The following SMCHD1 variants were observed in gnomAD, a reference collection of about 807,000 sequenced individuals.
SMCHD1 encodes structural maintenance of chromosomes flexible hinge domain-containing protein 1.
SMCHD1 carries 78 observed loss-of-function variants against 254.7 expected under a neutral mutation model. The observed-to-expected ratio is 0.31, with a 90% CI of 0.26 to 0.37. SMCHD1 has a LOEUF of 0.37. SMCHD1 is among the 10% of genes least tolerant of loss of function. The probability of loss-of-function intolerance (pLI) is 1.00; values close to 1 mark genes in which losing one functional copy is unlikely to be tolerated. For missense variants in SMCHD1, 1,840 were observed against 2,408.1 expected, an observed-to-expected ratio of 0.76 and a Z score of 4.94; for synonymous variants, 766 against 794.9, an observed-to-expected ratio of 0.96 and a Z score of 0.61.
chr18:2,768,009 C>A (rs1395207472), intron 37 of SMCHD1, among the ~76,000 whole-genome samples: 1 of 151,928 alleles, frequency 6.6e-6, no homozygotes, highest in African/African-American at 2.4e-5. Flanking sequence ...TAGTAAAATA[C>A]AGTATTATAA....
intron 26 of SMCHD1, 31 bp downstream of exon 26, chr18:2,738,576 T>C: frequency 6.3e-7 from 1 of 1,575,294 alleles, no homozygotes; most frequent in South Asian, 1.2e-5. Context: ...TTGCAGCCTA[T>C]GGCAACAAAA....
rs368857612 is a variant in SMCHD1, at chr18:2,740,831, C to T, written c.3633+10C>T. ...GAAAACAACCTTTCAGGTATGGCTA[C>T]TTTCTATACCATTTTGGTTTGATTT... On this transcript the variant is annotated intron_variant, in intron 28 of 47. Transcript: ENST00000320876. The T allele has an allele frequency of 8.7e-6, 13 of 1,486,740 alleles. No individual in the cohort carries two copies. The African/African-American group carries it at 1.8e-4, about 21-fold the overall frequency. The allele number at this position is 1,486,740 out of a possible 1,614,324, so 92.1% of individuals were successfully genotyped here.
chr18:2,688,345 G>A (rs754238339), intron 5 of SMCHD1, 49 bp from the exon 6 acceptor site: 8 of 1,340,282 alleles, frequency 6.0e-6, no homozygotes, highest in Admixed American at 1.7e-5. Flanking sequence ...AGTTTCTTTT[G>A]ACACTTAACT....
At chr18:2,676,832 G>C (rs775588353) in intron 5 of SMCHD1, among the ~76,000 whole-genome samples, 13 of 152,180 alleles carry the variant, frequency 8.5e-5, no homozygotes, top group Admixed American at 1.3e-4. Flanking sequence ...GTCAGTTTGT[G>C]AGATTTCACT....
At chr18:2,753,823 G>T (rs1037650634) in intron 34 of SMCHD1, among the ~76,000 whole-genome samples, 3 of 152,068 alleles carry the variant, frequency 2.0e-5, no homozygotes, top group African/African-American at 7.2e-5. Flanking sequence ...TCCCAAAATG[G>T]TGGGATTACA....
At chr18:2,660,014 T>C (rs994047047) in intron 1 of SMCHD1, among the ~76,000 whole-genome samples, 1 of 152,134 alleles carries the variant, frequency 6.6e-6, no homozygotes, top group Admixed American at 6.5e-5. Flanking sequence ...TGCAAGTCAG[T>C]TAGTCCTTAA....
rs1216111474 is a variant in SMCHD1 at position 2,804,762 on chromosome 18, T to C, written c.*2210T>C. On this transcript the variant is annotated 3_prime_UTR_variant, in exon 48 of 48. Coordinates refer to ENST00000320876, the MANE Select transcript of SMCHD1 (RefSeq NM_015295.3). ...AATAATAAATTGCTTTTGTGTTTAA[T>C]ATGTAACACGTAAGAACAATTGAAA... The C allele has an allele frequency of 6.6e-6, 1 of 152,226 alleles. No individual in the cohort carries two copies. The allele number at this position is 152,226 out of a possible 1,614,324, so 9.4% of individuals were successfully genotyped here.
At chr18:2,747,758 C>A in intron 30 of SMCHD1, 111 bp downstream of exon 30, 1 of 931,480 alleles carries the variant, frequency 1.1e-6, no homozygotes, top group Non-Finnish European at 1.5e-6. Flanking sequence ...TTTACATAAT[C>A]TTTATTATTG....
intron 3 of SMCHD1, among the ~76,000 whole-genome samples, chr18:2,671,273 A>G (rs1025165524): frequency 1.3e-5 from 2 of 152,092 alleles, no homozygotes; most frequent in Non-Finnish European, 2.9e-5. Context: ...ATAAATTGCT[A>G]AGTGTATAAT....
Position 2,729,923 on chromosome 18 carries a change from A to C in SMCHD1, c.3048+514A>C, listed in dbSNP as rs114861362. On this transcript the variant is annotated intron_variant, in intron 24 of 47. Transcript: ENST00000320876. ...AAAAGAGGGTCTTGCTGTGTTGCCC[A>C]GTCTGATCTCAACTTCCTGTCCACA... Among the ~76,000 whole-genome samples, 668 of 152,232 alleles carry C rather than the reference A, an allele frequency of 4.4e-3. 5 individuals are homozygous for C. The highest frequency in any genetic ancestry group is 0.016 in the African/African-American group (651 of 41,534).
intron 45 of SMCHD1, among the ~76,000 whole-genome samples, chr18:2,789,164 G>A (rs190469972): frequency 2.6e-4 from 39 of 152,028 alleles, no homozygotes; most frequent in African/African-American, 8.9e-4. Flanking sequence ...TGGGACTACA[G>A]GCTTGTGCTA....
intron 47 of SMCHD1, among the ~76,000 whole-genome samples, chr18:2,797,288 A>G (rs772690532): frequency 1.6e-4 from 25 of 152,246 alleles, no homozygotes; most frequent in Non-Finnish European, 2.9e-5. Context: ...CCCTAACTTC[A>G]TAGTAAGAAA....
intron 37 of SMCHD1, among the ~76,000 whole-genome samples, chr18:2,766,313 C>T (rs963756628): frequency 4.6e-5 from 7 of 152,298 alleles, no homozygotes; most frequent in Admixed American, 3.9e-4. Context: ...TTTCTTGGCC[C>T]CCTTATGGTC....
At chr18:2,715,495 C>G (rs2074776589) in intron 17 of SMCHD1, among the ~76,000 whole-genome samples, 1 of 151,988 alleles carries the variant, frequency 6.6e-6, no homozygotes, top group African/African-American at 2.4e-5. Context: ...TCATTCATAT[C>G]CTGAATTTCA....
At chr18:2,711,234 A>G (rs2074661235) in intron 17 of SMCHD1, among the ~76,000 whole-genome samples, 1 of 151,126 alleles carries the variant, frequency 6.6e-6, no homozygotes, top group Admixed American at 6.6e-5. Flanking sequence ...CTTATGCACC[A>G]GGACAACTGC....
chr18:2,699,327 G>A (rs1407568582), intron 10 of SMCHD1, among the ~76,000 whole-genome samples: 3 of 152,012 alleles, frequency 2.0e-5, no homozygotes, highest in South Asian at 2.1e-4. Flanking sequence ...TGGCTCCACT[G>A]GCCTTTTTGG....
At chr18:2,763,921 A>G in intron 37 of SMCHD1, 132 bp downstream of exon 37, 1 of 826,834 alleles carries the variant, frequency 1.2e-6, no homozygotes, top group Non-Finnish European at 1.8e-6. Context: ...AAGTCAGCTG[A>G]AATATTTTCT....
chr18:2,671,920 T>G (rs1352596065), intron 3 of SMCHD1, among the ~76,000 whole-genome samples: 1 of 152,068 alleles, frequency 6.6e-6, no homozygotes, highest in African/African-American at 2.4e-5. Context: ...TTTTATACTT[T>G]CAGTAAACTG....
chr18:2,740,687 C>A lies in SMCHD1; in HGVS notation c.3515-16C>A. 1 of 1,378,520 alleles carries A rather than the reference C, an allele frequency of 7.3e-7. No individual in the cohort carries two copies. Among genetic ancestry groups the A allele is most frequent in the Admixed American group, 1.8e-5 (1 of 54,764 alleles). The allele number at this position is 1,378,520 out of a possible 1,614,324, so 85.4% of individuals were successfully genotyped here. On this transcript the variant is annotated splice_polypyrimidine_tract_variant and intron_variant, in intron 27 of 47. Transcript: ENST00000320876. Reference sequence around the variant, plus strand: ...ATTAAAAGATAATACTAAAATAAAACTTCCCCCTTTTTTAGTTATAATAAT... The same window carrying A: ...ATTAAAAGATAATACTAAAATAAAAATTCCCCCTTTTTTAGTTATAATAAT...
Sources: allele counts gnomAD v4.1 joint callset (sites outside exome capture counted in the v4.1 genomes callset), GRCh38; gene constraint gnomAD v4.1.1; transcripts MANE v1.5; gene names NCBI Gene and HGNC (gene_info 2026-07-23, HGNC 2026-07-21).